The following ARFIP1 variants were observed in gnomAD, a reference collection of about 807,000 sequenced individuals.
ARFIP1 encodes the protein arfaptin-1.
Under a neutral mutation model 42.5 loss-of-function variants are expected in ARFIP1, and 24 were observed. The observed-to-expected ratio is 0.57, with a 90% CI of 0.41 to 0.80. The LOEUF (loss-of-function observed/expected upper bound fraction) is 0.80. Among genes scored for constraint, ARFIP1 ranks in the 30% least tolerant of loss-of-function variants. The pLI, the probability that ARFIP1 is intolerant of heterozygous loss-of-function variation, is 0.00. For missense variants in ARFIP1, 354 were observed against 434.0 expected, an observed-to-expected ratio of 0.82 and a Z score of 1.64; for synonymous variants, 141 against 153.7, an observed-to-expected ratio of 0.92 and a Z score of 0.61.
intron 2 of ARFIP1, among the ~76,000 whole-genome samples, chr4:152,846,565 C>CT (rs1400871048): frequency 2.0e-5 from 3 of 152,124 alleles, no homozygotes; most frequent in African/African-American, 7.2e-5. Context: ...TTTTGGCTTA[C>CT]TTTTCCCCAT....
intron 1 of ARFIP1, among the ~76,000 whole-genome samples, chr4:152,789,546 C>A (rs1420182330): frequency 1.3e-5 from 2 of 152,160 alleles, no homozygotes; most frequent in Non-Finnish European, 2.9e-5. Context: ...CTGTGAAGCA[C>A]ACAATTGGGA....
intron 1 of ARFIP1, among the ~76,000 whole-genome samples, chr4:152,819,731 A>C (rs1578865405): frequency 6.6e-6 from 1 of 152,182 alleles, no homozygotes; most frequent in Admixed American, 6.5e-5. Context: ...CAGAGGCACA[A>C]GTGCAGTTCT....
intron 2 of ARFIP1, among the ~76,000 whole-genome samples, chr4:152,840,701 G>A (rs1021489227): frequency 3.4e-5 from 5 of 147,644 alleles, no homozygotes; most frequent in Admixed American, 2.7e-4. Context: ...TATCCATTCT[G>A]TGGCTCTGTA....
chr4:152,902,159 ACTTT>A (rs913703768), intron 8 of ARFIP1, among the ~76,000 whole-genome samples: 1 of 152,184 alleles, frequency 6.6e-6, no homozygotes, highest in Non-Finnish European at 1.5e-5. Context: ...AAATTACTTA[ACTTT>A]CTGAGTTTTC....
At chr4:152,826,541 C>T (rs535666396) in intron 1 of ARFIP1, among the ~76,000 whole-genome samples, 5 of 152,164 alleles carry the variant, frequency 3.3e-5, no homozygotes, top group South Asian at 2.1e-4. Context: ...ACCGGGGTGA[C>T]GGGTGAACTA....
At chr4:152,872,398 C>A (rs1734963842) in intron 4 of ARFIP1, 54 bp from the exon 5 acceptor site, 1 of 1,204,444 alleles carries the variant, frequency 8.3e-7, no homozygotes, top group Admixed American at 2.3e-5. Flanking sequence ...GTTTTGTTTT[C>A]TTTCCCTGCT....
At chr4:152,852,289 A>T (rs1561142844) in intron 2 of ARFIP1, among the ~76,000 whole-genome samples, 1 of 152,220 alleles carries the variant, frequency 6.6e-6, no homozygotes, top group Non-Finnish European at 1.5e-5. Flanking sequence ...CAGATACTTT[A>T]TAAGTTGCTA....
intron 1 of ARFIP1, among the ~76,000 whole-genome samples, chr4:152,781,288 T>G (rs2149809837): frequency 1.4e-5 from 2 of 140,538 alleles, no homozygotes; most frequent in South Asian, 4.6e-4. Flanking sequence ...CAGGCTGGAG[T>G]GCATTGGCAC....
chr4:152,822,600 G>A (rs114134633), intron 1 of ARFIP1, among the ~76,000 whole-genome samples: 1,996 of 152,236 alleles, frequency 0.013, 34 homozygotes, highest in Middle Eastern at 0.058. Flanking sequence ...CCCAGGAACC[G>A]CAGAATAAAC....
chr4:152,880,899 T>C (rs1578998328), intron 5 of ARFIP1, 64 bp from the exon 6 acceptor site: 5 of 1,319,048 alleles, frequency 3.8e-6, no homozygotes, highest in East Asian at 2.3e-5. Flanking sequence ...GTATGCCATA[T>C]GCTCTAGCAT....
chr4:152,883,159 A>C, intron 7 of ARFIP1: 1 of 303,272 alleles, frequency 3.3e-6, no homozygotes, highest in Non-Finnish European at 6.0e-6. Flanking sequence ...TACCATAAAT[A>C]ATTTCCTAAA....
intron 8 of ARFIP1, among the ~76,000 whole-genome samples, chr4:152,893,768 A>G (rs895180121): frequency 1.3e-5 from 2 of 152,160 alleles, no homozygotes; most frequent in African/African-American, 4.8e-5. Flanking sequence ...CAGACTTGGG[A>G]TCTATCCTGG....
rs1351344584 is a variant in ARFIP1, at chr4:152,910,365, T to C, written c.*146T>C. On this transcript the variant is annotated 3_prime_UTR_variant, in exon 9 of 9. Transcript: ENST00000353617. ...ACAGCTTTAATTTTTCCCTTTTTCA[T>C]ACTTTAACAATTGAACTGTTAAGGG... 8.5e-6 allele frequency: 8 copies of C among 937,530 alleles called. No homozygotes were observed. The highest frequency in any genetic ancestry group is 1.1e-5 in the Non-Finnish European group (7 of 648,484). 58.1% of individuals were successfully genotyped at this position (937,530 alleles called of 1,614,324 possible).
intron 1 of ARFIP1, among the ~76,000 whole-genome samples, chr4:152,792,637 A>G (rs1197395196): frequency 6.6e-6 from 1 of 152,110 alleles, no homozygotes; most frequent in African/African-American, 2.4e-5. Context: ...GAGACTCTGA[A>G]GGGGTTTTAG....
In ARFIP1 at chr4:152,782,657, G is replaced by A. The variant is rs559153462; in HGVS notation, c.-10+2431G>A. 4.6e-5 allele frequency among the ~76,000 whole-genome samples: 7 copies of A among 152,308 alleles called. No homozygotes were observed. The South Asian group carries it at 1.4e-3, about 32-fold the overall frequency. Reference sequence around the variant, plus strand: ...TGGCTTTGCTATGAAAAACAAACAAGATGTTTCAGTGGTGTGGTCCTTTGG... The same window carrying A: ...TGGCTTTGCTATGAAAAACAAACAAAATGTTTCAGTGGTGTGGTCCTTTGG... On this transcript the variant is annotated intron_variant, in intron 1 of 8. Transcript: ENST00000353617.
intron 2 of ARFIP1, among the ~76,000 whole-genome samples, chr4:152,849,912 A>G (rs1732847870): frequency 6.6e-6 from 1 of 151,450 alleles, no homozygotes; most frequent in African/African-American, 2.4e-5. Flanking sequence ...GGCATTAGAA[A>G]TGAAGATGTT....
chr4:152,794,943 A>T (rs1731346052), intron 1 of ARFIP1, among the ~76,000 whole-genome samples: 1 of 152,036 alleles, frequency 6.6e-6, no homozygotes, highest in African/African-American at 2.4e-5. Context: ...CTGTTTTTGA[A>T]GTTTTCTTTA....
At chr4:152,893,605 CA>C (rs138076210) in intron 8 of ARFIP1, among the ~76,000 whole-genome samples, 2,163 of 152,000 alleles carry the variant, frequency 0.014, 51 homozygotes, top group African/African-American at 0.05. Context: ...ATATAAAAAG[CA>C]AGGGTTTTAT....
intron 2 of ARFIP1, among the ~76,000 whole-genome samples, chr4:152,863,261 T>C (rs1434948670): frequency 6.6e-6 from 1 of 152,200 alleles, no homozygotes; most frequent in Non-Finnish European, 1.5e-5. Flanking sequence ...TTTTACATAT[T>C]AGACATGGAA....
Sources: allele counts gnomAD v4.1 joint callset (sites outside exome capture counted in the v4.1 genomes callset), GRCh38; gene constraint gnomAD v4.1.1; transcripts MANE v1.5; gene names NCBI Gene and HGNC (gene_info 2026-07-23, HGNC 2026-07-21).